Variants in RAB3IP observed in about 807,000 individuals in gnomAD.
RAB3IP encodes the protein RAB3A interacting protein.
Under a neutral mutation model 59.1 loss-of-function variants are expected in RAB3IP, and 36 were observed. The observed-to-expected ratio is 0.61, with a 90% confidence interval of 0.47 to 0.80. The LOEUF (loss-of-function observed/expected upper bound fraction) is 0.80. Ranked by LOEUF, RAB3IP falls within the 30% of genes least tolerant of loss-of-function variation. The probability of loss-of-function intolerance (pLI) is 0.00; values close to 1 mark genes in which losing one functional copy is unlikely to be tolerated. For synonymous variants in RAB3IP, 207 were observed against 191.2 expected, an observed-to-expected ratio of 1.08 and a Z score of -0.68; for missense variants, 511 against 536.0, an observed-to-expected ratio of 0.95 and a Z score of 0.46.
chr12:69,806,230 T>C (rs1306635777), intron 8 of RAB3IP, among the ~76,000 whole-genome samples: 7 of 152,086 alleles, frequency 4.6e-5, no homozygotes, highest in Non-Finnish European at 7.4e-5. Context: ...CTTGGGAGAG[T>C]GTATGTGTCG....
intron 3 of RAB3IP, among the ~76,000 whole-genome samples, chr12:69,759,316 C>T (rs1345367579): frequency 2.0e-5 from 3 of 151,656 alleles, no homozygotes; most frequent in African/African-American, 7.3e-5. Context: ...GGTCATAGAT[C>T]AACAGCATCC....
intron 3 of RAB3IP, among the ~76,000 whole-genome samples, chr12:69,760,205 C>T (rs565489591): frequency 7.9e-4 from 120 of 152,388 alleles, no homozygotes; most frequent in African/African-American, 2.8e-3. Flanking sequence ...CAGCGAAACC[C>T]CGTCTCCACC....
intron 3 of RAB3IP, among the ~76,000 whole-genome samples, chr12:69,780,547 A>G (rs1402745684): frequency 6.6e-6 from 1 of 152,224 alleles, no homozygotes; most frequent in African/African-American, 2.4e-5. Context: ...AGAGAGTGGG[A>G]TCCTTTAGGA....
chr12:69,801,861 A>G (rs1878440753), intron 8 of RAB3IP, 140 bp downstream of exon 8: 1 of 520,030 alleles, frequency 1.9e-6, no homozygotes, highest in South Asian at 2.7e-5. Flanking sequence ...CCTAGCCCAA[A>G]GACAAATTCC....
At chr12:69,798,050 G>T (rs1484345001) in intron 6 of RAB3IP, among the ~76,000 whole-genome samples, 1 of 152,172 alleles carries the variant, frequency 6.6e-6, no homozygotes, top group Non-Finnish European at 1.5e-5. Flanking sequence ...GTAATGGGAT[G>T]GCTGGGTCAA....
At chr12:69,754,505 A>G (rs1033279674) in intron 1 of RAB3IP, among the ~76,000 whole-genome samples, 8 of 152,302 alleles carry the variant, frequency 5.3e-5, no homozygotes, top group African/African-American at 1.2e-4. Context: ...CCGCCTTTCT[A>G]CTTACTCTAA....
chr12:69,779,860 C>G (rs1443419597), intron 3 of RAB3IP, among the ~76,000 whole-genome samples: 1 of 152,138 alleles, frequency 6.6e-6, no homozygotes, highest in Non-Finnish European at 1.5e-5. Context: ...TATTTTGTCT[C>G]TTTGGTGAGG....
chr12:69,740,648 A>G (rs951520695), intron 1 of RAB3IP, among the ~76,000 whole-genome samples: 5 of 152,290 alleles, frequency 3.3e-5, no homozygotes, highest in Admixed American at 6.5e-5. Context: ...TTCTGAATAG[A>G]TCCTATTGTA....
chr12:69,797,235 G>A (rs1431482505), intron 6 of RAB3IP, among the ~76,000 whole-genome samples: 1 of 152,180 alleles, frequency 6.6e-6, no homozygotes, highest in African/African-American at 2.4e-5. Flanking sequence ...TTGGGATCAA[G>A]CCACTTAGAT....
intron 8 of RAB3IP, among the ~76,000 whole-genome samples, chr12:69,807,078 C>T (rs1423152584): frequency 2.6e-5 from 4 of 152,232 alleles, no homozygotes; most frequent in Non-Finnish European, 2.9e-5. Flanking sequence ...GGCCTGTTCT[C>T]GACGGTCGCT....
intron 3 of RAB3IP, among the ~76,000 whole-genome samples, chr12:69,766,551 A>T: frequency 2.1e-5 from 3 of 144,796 alleles, no homozygotes; most frequent in South Asian, 2.2e-4. Flanking sequence ...AGACAGTTTC[A>T]CTCTTGTCAC....
At chr12:69,811,421 T>C (rs1265363209) in intron 8 of RAB3IP, among the ~76,000 whole-genome samples, 1 of 152,240 alleles carries the variant, frequency 6.6e-6, no homozygotes, top group African/African-American at 2.4e-5. Flanking sequence ...ACACTTATTA[T>C]TTTAAAAGTT....
Position 69,784,715 on chromosome 12 carries a change from C to A in RAB3IP, c.511-5C>A. 6.4e-7 allele frequency: 1 copy of A among 1,571,496 alleles called. No individual in the cohort carries two copies. Among genetic ancestry groups the A allele is most frequent in the Non-Finnish European group, 8.7e-7 (1 of 1,146,750 alleles). ...ATCCAAAATAAAATTATCAATTTCT[C>A]TTAGGAACTGAAGTTAAAAGATGAA... On this transcript the variant is annotated splice_polypyrimidine_tract_variant and splice_region_variant and intron_variant, in intron 3 of 10. Transcript: ENST00000247833.
At chr12:69,808,201 G>T (rs1316514744) in intron 8 of RAB3IP, among the ~76,000 whole-genome samples, 2 of 152,204 alleles carry the variant, frequency 1.3e-5, no homozygotes, top group Non-Finnish European at 2.9e-5. Flanking sequence ...TTGAGCAGTT[G>T]TGAGTGAGTT....
chr12:69,804,218 T>G (rs547330801), intron 8 of RAB3IP, among the ~76,000 whole-genome samples: 58 of 152,316 alleles, frequency 3.8e-4, no homozygotes, highest in East Asian at 1.5e-3. Context: ...GTATCTCATT[T>G]TGGTTTTGAT....
At chr12:69,767,516 A>G (rs927741505) in intron 3 of RAB3IP, among the ~76,000 whole-genome samples, 22 of 152,340 alleles carry the variant, frequency 1.4e-4, no homozygotes, top group Middle Eastern at 6.8e-3. Flanking sequence ...GGTGAATCCA[A>G]TGGGCGGCCA....
rs1462605435 is a variant in RAB3IP, at chr12:69,795,669, T to G, written c.888+325T>G. 9.3e-6 allele frequency: 4 copies of G among 432,112 alleles called. No homozygotes were observed. In the East Asian group the frequency reaches 1.0e-4, roughly 11 times the overall value. The allele number at this position is 432,112 out of a possible 1,614,324, so 26.8% of individuals were successfully genotyped here. ...GTCAAAATTTATTGCTAGAGTGCGC[T>G]TACAAAGTATGGATATAAGAAATAT... is the stretch of plus-strand genomic sequence containing the variant. On this transcript the variant is annotated intron_variant, in intron 6 of 10. Transcript: ENST00000247833.
At chr12:69,764,562 T>A (rs1381369126) in intron 3 of RAB3IP, among the ~76,000 whole-genome samples, 3 of 152,248 alleles carry the variant, frequency 2.0e-5, no homozygotes, top group African/African-American at 7.2e-5. Flanking sequence ...TAAAATAGAT[T>A]GAAGTCAAGT....
chr12:69,806,570 G>GTTTTTTTTTTTTTTTTTTTTTTTGT (rs35262716), intron 8 of RAB3IP, among the ~76,000 whole-genome samples: 1 of 68,470 alleles, frequency 1.5e-5, no homozygotes, highest in East Asian at 4.1e-4. Flanking sequence ...TGCTTCTCTA[G>GTTTTTTTTTTTTTTTTTTTTTTTGT]TTTTTTTTTT....
Sources: allele counts gnomAD v4.1 joint callset (sites outside exome capture counted in the v4.1 genomes callset), GRCh38; gene constraint gnomAD v4.1.1; transcripts MANE v1.5; gene names NCBI Gene and HGNC (gene_info 2026-07-23, HGNC 2026-07-21).